Variants in UBE2D4 observed in about 807,000 individuals in gnomAD.
UBE2D4 encodes ubiquitin conjugating enzyme E2 D4, also known as ubiquitin-conjugating enzyme E2 D4.
In UBE2D4, 17 loss-of-function variants were observed where a neutral mutation model predicts 23.0. The ratio of observed to expected loss-of-function variants is 0.74; its 90% CI spans 0.51 to 1.11. The LOEUF is 1.11. UBE2D4 is among the 50% of genes least tolerant of loss of function. UBE2D4 has a pLI of 0.00. For missense variants in UBE2D4, 139 were observed against 181.8 expected (o/e 0.76, Z 1.35); for synonymous variants, 61 against 69.4 (o/e 0.88, Z 0.60).
chr7:43,955,851 A>G lies in UBE2D4; in HGVS notation c.*3156A>G, dbSNP rs1585898894. 6.6e-6 allele frequency: 1 copy of G among 151,882 alleles called. No individual in the cohort carries two copies. The allele number at this position is 151,882 out of a possible 1,614,324, so 9.4% of individuals were successfully genotyped here. ...AGTGTTGGGAAAGTTCTGGACCTCT[A>G]CTGGATCTAGCCATAAATGGTGGTC... On this transcript the variant is annotated 3_prime_UTR_variant, in exon 7 of 7. Transcript: ENST00000222402.
chr7:43,935,669 A>G (rs755280874), intron 1 of UBE2D4, among the ~76,000 whole-genome samples: 19 of 152,202 alleles, frequency 1.2e-4, no homozygotes, highest in Admixed American at 5.2e-4. Flanking sequence ...TTTAATGCAG[A>G]TGAGACTTGA....
chr7:43,939,906 G>A (rs924691271), intron 2 of UBE2D4, among the ~76,000 whole-genome samples: 4 of 152,128 alleles, frequency 2.6e-5, no homozygotes, highest in African/African-American at 9.7e-5. Context: ...GAATTTGTTG[G>A]GGGTGATGGA....
chr7:43,931,274 C>G (rs1181499), intron 1 of UBE2D4, among the ~76,000 whole-genome samples: 4 of 152,042 alleles, frequency 2.6e-5, no homozygotes, highest in Admixed American at 6.6e-5. Flanking sequence ...CCAGCTCTAC[C>G]AAAAATAGAA....
intron 1 of UBE2D4, among the ~76,000 whole-genome samples, chr7:43,934,740 TA>T (rs1486701835): frequency 6.6e-6 from 1 of 151,802 alleles, no homozygotes; most frequent in Admixed American, 6.6e-5. Context: ...CTAAAAAAAA[TA>T]TTTTTTCTCA....
intron 2 of UBE2D4, among the ~76,000 whole-genome samples, chr7:43,939,012 T>C (rs1320010854): frequency 3.3e-5 from 5 of 152,252 alleles, no homozygotes; most frequent in Non-Finnish European, 7.3e-5. Context: ...GCACTGCCTC[T>C]CATGTCCCAT....
At chr7:43,949,596 C>A (rs1391208420) in intron 5 of UBE2D4, among the ~76,000 whole-genome samples, 1 of 152,202 alleles carries the variant, frequency 6.6e-6, no homozygotes. Context: ...GTGGTCAGAA[C>A]TTTGATGGAC....
chr7:43,934,292 G>A (rs2528375), intron 1 of UBE2D4, among the ~76,000 whole-genome samples: 105,670 of 151,838 alleles, frequency 0.7, 36,826 homozygotes, highest in African/African-American at 0.76. Flanking sequence ...AAAACTCCAG[G>A]AAGAGTAGTA....
intron 1 of UBE2D4, chr7:43,928,003 C>T (rs182681775): frequency 9.6e-5 from 43 of 450,012 alleles, no homozygotes; most frequent in African/African-American, 6.8e-4. Context: ...ATTTGGCTCT[C>T]GGTTCTGCAG....
intron 2 of UBE2D4, among the ~76,000 whole-genome samples, 181 bp downstream of exon 2, chr7:43,938,675 A>G (rs1293660905): frequency 6.6e-6 from 1 of 152,220 alleles, no homozygotes; most frequent in Admixed American, 6.5e-5. Context: ...GTCTCTACTA[A>G]AAGTACAAAA....
chr7:43,927,623 T>C (rs2132744755), intron 1 of UBE2D4, among the ~76,000 whole-genome samples: 1 of 152,300 alleles, frequency 6.6e-6, no homozygotes, highest in South Asian at 2.1e-4. Context: ...ATTTTTAACA[T>C]TAACTTTCCA....
At chr7:43,933,138 A>G (rs553179809) in intron 1 of UBE2D4, among the ~76,000 whole-genome samples, 1 of 150,058 alleles carries the variant, frequency 6.7e-6, no homozygotes, top group East Asian at 1.9e-4. Flanking sequence ...ATATACATAT[A>G]CGTACATATA....
At chr7:43,942,021 A>C (rs1275667021) in intron 2 of UBE2D4, 1 of 152,240 alleles carries the variant, frequency 6.6e-6, no homozygotes, top group African/African-American at 2.4e-5. Flanking sequence ...GTTTGGCTGG[A>C]AGCTTTAATG....
chr7:43,931,996 C>CTTTTTTTTTTTTTTTTTTTTTTTTTTTT (rs759057335), intron 1 of UBE2D4, among the ~76,000 whole-genome samples: 1 of 139,256 alleles, frequency 7.2e-6, no homozygotes, highest in African/African-American at 2.7e-5. Flanking sequence ...CCATGACACA[C>CTTTTTTTTTTTTTTTTTTTTTTTTTTTT]TTTTTTTTTT....
At chr7:43,940,322 A>T (rs1355093027) in intron 2 of UBE2D4, among the ~76,000 whole-genome samples, 1 of 152,214 alleles carries the variant, frequency 6.6e-6, no homozygotes, top group African/African-American at 2.4e-5. Context: ...TGTTTACCTC[A>T]TGTCGTCCTC....
At chr7:43,943,138 T>C (rs1282795565) in intron 4 of UBE2D4, 107 bp downstream of exon 4, 2 of 1,116,896 alleles carry the variant, frequency 1.8e-6, no homozygotes, top group Admixed American at 3.5e-5. Context: ...GGGGTTTCTC[T>C]GAGGGCCCAC....
At chr7:43,939,331 A>G (rs1448953231) in intron 2 of UBE2D4, among the ~76,000 whole-genome samples, 2 of 152,244 alleles carry the variant, frequency 1.3e-5, no homozygotes, top group African/African-American at 4.8e-5. Context: ...TTCTTGGGAG[A>G]GAGAGGGAGA....
intron 1 of UBE2D4, among the ~76,000 whole-genome samples, chr7:43,936,791 G>A (rs74518642): frequency 0.043 from 6,514 of 152,134 alleles, 507 homozygotes; most frequent in African/African-American, 0.15. Flanking sequence ...CAATAGTACC[G>A]GCAAGTTGGC....
intron 1 of UBE2D4, among the ~76,000 whole-genome samples, chr7:43,931,630 C>T (rs761428366): frequency 8.0e-5 from 12 of 149,124 alleles, no homozygotes; most frequent in Non-Finnish European, 1.3e-4. Context: ...GGGGGGGTGG[C>T]AGAGCAGGCA....
rs1258585767 is a variant in UBE2D4, at chr7:43,944,408, A to G, written c.198+1377A>G. The G allele has an allele frequency of 6.6e-6, 1 of 151,836 alleles. No homozygotes were observed. The highest frequency in any genetic ancestry group is 2.4e-5 in the African/African-American group (1 of 41,312). 9.4% of individuals were successfully genotyped at this position (151,836 alleles called of 1,614,324 possible). A position where few individuals can be genotyped will look rare whatever the true frequency, so the allele number is the denominator to read the frequency against. On this transcript the variant is annotated intron_variant, in intron 4 of 6. Coordinates refer to ENST00000222402, the MANE Select transcript of UBE2D4 (RefSeq NM_015983.4). This position sits in a 1 kb window ranked among gnomAD's most constrained non-coding sequence, Gnocchi z 4.0. ...CTCGAAAGTCCTGCATCTGCATCAGACCCCTTAGCTGAGGGGTTGTGATAT... is the reference window on the plus strand; with the variant it reads ...CTCGAAAGTCCTGCATCTGCATCAGGCCCCTTAGCTGAGGGGTTGTGATAT...
Sources: allele counts gnomAD v4.1 joint callset (sites outside exome capture counted in the v4.1 genomes callset), GRCh38; gene constraint gnomAD v4.1.1; non-coding constraint Gnocchi (gnomAD v3.1); transcripts MANE v1.5; gene names NCBI Gene and HGNC (gene_info 2026-07-23, HGNC 2026-07-21).